FRMD5: variants seen among roughly 807,000 people sequenced by gnomAD.
FRMD5 encodes FERM domain containing 5, also known as FERM domain-containing protein 5.
In FRMD5, 20 loss-of-function variants were observed where a neutral mutation model predicts 69.0. The observed-to-expected ratio is 0.29, with a 90% CI of 0.20 to 0.42. The LOEUF is 0.42. Ranked by LOEUF, FRMD5 falls within the 10% of genes least tolerant of loss-of-function variation. The probability of loss-of-function intolerance (pLI) is 1.00; values close to 1 mark genes in which losing one functional copy is unlikely to be tolerated. For synonymous variants in FRMD5, 271 were observed against 260.1 expected (o/e 1.04, Z -0.40); for missense variants, 595 against 708.6 (o/e 0.84, Z 1.82).
intron 13 of FRMD5, chr15:43,879,669 A>T (rs767298244): frequency 5.0e-6 from 2 of 399,106 alleles, no homozygotes; most frequent in Non-Finnish European, 8.8e-6. Flanking sequence ...ACTCTTCCCC[A>T]TGGTGGCCCA....
intron 6 of FRMD5, 45 bp from the exon 7 acceptor site, chr15:43,902,307 C>T (rs370172038): frequency 6.7e-7 from 1 of 1,493,040 alleles, no homozygotes; most frequent in Non-Finnish European, 9.3e-7. Context: ...CTTGTTCCCA[C>T]AGGTTCCCCT....
At chr15:44,080,918 G>C (rs1020013885) in intron 1 of FRMD5, among the ~76,000 whole-genome samples, 1 of 151,954 alleles carries the variant, frequency 6.6e-6, no homozygotes, top group Non-Finnish European at 1.5e-5. Context: ...AGAGGTTTGC[G>C]ACTAGGCCAT....
intron 1 of FRMD5, among the ~76,000 whole-genome samples, chr15:43,958,589 T>C (rs116749482): frequency 0.017 from 2,628 of 152,212 alleles, 64 homozygotes; most frequent in African/African-American, 0.052. Context: ...TGTGTCACCA[T>C]GTCTGGCTAT....
chr15:43,921,648 AC>A (rs1040786285), intron 2 of FRMD5, among the ~76,000 whole-genome samples: 1 of 152,208 alleles, frequency 6.6e-6, no homozygotes, highest in African/African-American at 2.4e-5. Context: ...CAAACAGACA[AC>A]ATGGGCTTAG....
chr15:43,974,804 C>A (rs1326784862), intron 1 of FRMD5, among the ~76,000 whole-genome samples: 1 of 152,212 alleles, frequency 6.6e-6, no homozygotes, highest in African/African-American at 2.4e-5. Flanking sequence ...TCAAAGGCTT[C>A]CTTTTTAATA....
At chr15:44,054,988 T>A (rs543353570) in intron 1 of FRMD5, among the ~76,000 whole-genome samples, 10 of 150,466 alleles carry the variant, frequency 6.6e-5, no homozygotes, top group Non-Finnish European at 1.2e-4. Context: ...GAGAATAGCT[T>A]GAACCCAGGA....
intron 1 of FRMD5, among the ~76,000 whole-genome samples, chr15:44,101,965 T>C (rs1448255292): frequency 3.3e-5 from 5 of 152,228 alleles, no homozygotes; most frequent in African/African-American, 4.8e-5. Context: ...TATTGCAGGG[T>C]TGAAAAGCTT....
rs562717734 is a variant in FRMD5 at position 43,972,135 on chromosome 15, G to T, written c.103-47826C>A. 6.0e-5 allele frequency among the ~76,000 whole-genome samples: 9 copies of T among 150,508 alleles called. 1 individual carries two copies. The South Asian group carries it at 1.7e-3, about 28-fold the overall frequency. On this transcript the variant is annotated intron_variant, in intron 1 of 13. Coordinates refer to ENST00000417257, the MANE Select transcript of FRMD5 (RefSeq NM_032892.5). ...ATTTTAATGGTGCTTAACCTCCAAAGAAAGATACAACAGGCACTGAATATG... is the reference window on the plus strand; with the variant it reads ...ATTTTAATGGTGCTTAACCTCCAAATAAAGATACAACAGGCACTGAATATG...
chr15:43,933,054 C>T (rs1308457514), intron 1 of FRMD5, among the ~76,000 whole-genome samples: 1 of 152,204 alleles, frequency 6.6e-6, no homozygotes, highest in Non-Finnish European at 1.5e-5. Context: ...GCCTCCCTTC[C>T]CAGCACTGAG....
chr15:44,006,363 A>C (rs1056482528), intron 1 of FRMD5, among the ~76,000 whole-genome samples: 1 of 152,212 alleles, frequency 6.6e-6, no homozygotes, highest in Non-Finnish European at 1.5e-5. Flanking sequence ...ACTCTACCTG[A>C]TTACCAAAGA....
chr15:44,079,415 C>A (rs1893905648), intron 1 of FRMD5, among the ~76,000 whole-genome samples: 1 of 152,102 alleles, frequency 6.6e-6, no homozygotes, highest in Non-Finnish European at 1.5e-5. Context: ...AGCAATTGAG[C>A]TGGGTGCTGG....
At chr15:44,021,855 G>A (rs78393772) in intron 1 of FRMD5, among the ~76,000 whole-genome samples, 5,175 of 152,122 alleles carry the variant, frequency 0.034, 253 homozygotes, top group African/African-American at 0.11. Flanking sequence ...ACTATTCAGA[G>A]AAGCATTCTT....
Position 44,031,049 on chromosome 15 carries a change from T to G in FRMD5, c.103-106740A>C, listed in dbSNP as rs1471547350. Among the ~76,000 whole-genome samples, 5 of 152,114 alleles carry G rather than the reference T, an allele frequency of 3.3e-5. No individual in the cohort carries two copies. The South Asian group carries it at 1.0e-3, about 32-fold the overall frequency. On this transcript the variant is annotated intron_variant, in intron 1 of 13. Coordinates refer to ENST00000417257, the MANE Select transcript of FRMD5 (RefSeq NM_032892.5). ...GACTGGGTCTCCTAGTCAAAAGCTC[T>G]GGCCAAGTGACTAGATACTCACATG...
At chr15:44,024,659 T>C (rs923367432) in intron 1 of FRMD5, among the ~76,000 whole-genome samples, 1 of 152,232 alleles carries the variant, frequency 6.6e-6, no homozygotes, top group African/African-American at 2.4e-5. Flanking sequence ...TAAAAATTGA[T>C]TTGTGGAATT....
intron 1 of FRMD5, among the ~76,000 whole-genome samples, chr15:44,074,507 TG>T (rs1160032709): frequency 2.0e-5 from 3 of 151,892 alleles, no homozygotes; most frequent in African/African-American, 7.3e-5. Flanking sequence ...ATTTTTTTTT[TG>T]TTTTTTTTTT....
intron 1 of FRMD5, among the ~76,000 whole-genome samples, chr15:44,127,002 A>G (rs2077032533): frequency 6.6e-6 from 1 of 152,236 alleles, no homozygotes; most frequent in South Asian, 2.1e-4. Flanking sequence ...TCATTCTGCA[A>G]TTGGTCACTT....
chr15:44,166,359 T>G (rs1217735372), intron 1 of FRMD5, among the ~76,000 whole-genome samples: 23 of 152,216 alleles, frequency 1.5e-4, no homozygotes, highest in Non-Finnish European at 1.5e-5. Context: ...CTGCAAATTT[T>G]TCTCCTAAAT....
At chr15:43,970,649 G>A (rs1283857382) in intron 1 of FRMD5, among the ~76,000 whole-genome samples, 1 of 152,222 alleles carries the variant, frequency 6.6e-6, no homozygotes, top group Middle Eastern at 3.4e-3. Context: ...TAGAGGCAGG[G>A]TTTCGCCATG....
At position 43,924,902 on chromosome 15, in the gene FRMD5, C is replaced by CAA. The variant is rs530777690; in HGVS notation, c.103-595_103-594dup. On this transcript the variant is annotated intron_variant, in intron 1 of 13. Transcript: ENST00000417257. ...GCACATTGTAGGATATTTAAACAAACAAAAGGATATACTATGAACAGTAAG... is the reference window on the plus strand; with the variant it reads ...GCACATTGTAGGATATTTAAACAAACAAAAAAGGATATACTATGAACAGTAAG... Among the ~76,000 whole-genome samples the CAA allele has an allele frequency of 1.4e-4, 21 of 152,104 alleles. No individual in the cohort carries two copies. The South Asian group carries it at 4.2e-3, about 30-fold the overall frequency.
Sources: allele counts gnomAD v4.1 joint callset (sites outside exome capture counted in the v4.1 genomes callset), GRCh38; gene constraint gnomAD v4.1.1; transcripts MANE v1.5; gene names NCBI Gene and HGNC (gene_info 2026-07-23, HGNC 2026-07-21).